N4BP1: variants seen among roughly 807,000 people sequenced by gnomAD.
N4BP1 encodes the protein NEDD4-binding protein 1.
In N4BP1, 21 loss-of-function variants were observed where a neutral mutation model predicts 70.9. The ratio of observed to expected loss-of-function variants is 0.30; its 90% confidence interval spans 0.21 to 0.43. The LOEUF is 0.43. N4BP1 is among the 20% of genes least tolerant of loss of function. The pLI is 1.00. For missense variants in N4BP1, 936 were observed against 1,069.4 expected (o/e 0.88, Z 1.74); for synonymous variants, 387 against 394.6 (o/e 0.98, Z 0.23).
At position 48,543,063 on chromosome 16, in the gene N4BP1, G is replaced by T. The variant is rs758763790; in HGVS notation, c.2532C>A (p.Pro844=). 6.2e-6 allele frequency: 10 copies of T among 1,613,950 alleles called. No individual in the cohort carries two copies. Among genetic ancestry groups the T allele is most frequent in the African/African-American group, 1.3e-5 (1 of 74,958 alleles). ...PALPSLQQNL[P]MPAQRSSAET... is the part of the protein sequence containing the mutation. ...CTGCAGAAGATCTCTGAGCTGGCATGGGCAGGTTCTGCTGGAGACTGGGGA... is the reference window on the plus strand; with the variant it reads ...CTGCAGAAGATCTCTGAGCTGGCATTGGCAGGTTCTGCTGGAGACTGGGGA... Residue 844 remains proline, a synonymous_variant, in exon 7 of 7, where the codon CCC becomes CCA. Transcript: ENST00000262384.
chr16:48,554,765 T>G (rs926569624), intron 2 of N4BP1, among the ~76,000 whole-genome samples: 1 of 152,238 alleles, frequency 6.6e-6, no homozygotes, highest in African/African-American at 2.4e-5. Context: ...CCTGCCATGA[T>G]GGGCATATGT....
chr16:48,581,744 C>A (rs917437817), intron 1 of N4BP1, among the ~76,000 whole-genome samples: 1 of 152,060 alleles, frequency 6.6e-6, no homozygotes, highest in Admixed American at 6.6e-5. Context: ...GAAAAGTATA[C>A]AACCACATGC....
At position 48,609,808 on chromosome 16, in the gene N4BP1, G is replaced by A. The variant is rs115072363; in HGVS notation, c.165C>T (p.Leu55=). Residue 55 remains leucine, a synonymous_variant, in exon 1 of 7, where the codon CTC becomes CTT. Coordinates refer to ENST00000262384, the MANE Select transcript of N4BP1 (RefSeq NM_153029.4). The part of the protein sequence containing the change: ...EPLPARIWLQ[L]CGAQEAVHSA... The stretch of plus-strand genomic sequence containing the variant: ...TGTGCACCGCCTCCTGCGCCCCGCA[G>A]AGCTGCAGCCAGATGCGCGCGGGCA... The A allele has an allele frequency of 1.3e-3, 1,933 of 1,481,656 alleles. 16 individuals are homozygous for A. In the African/African-American group the frequency reaches 0.025, roughly 19 times the overall value. The allele number at this position is 1,481,656 out of a possible 1,614,324, so 91.8% of individuals were successfully genotyped here.
intron 1 of N4BP1, among the ~76,000 whole-genome samples, chr16:48,602,115 C>G (rs1158332191): frequency 6.6e-6 from 1 of 152,052 alleles, no homozygotes; most frequent in Admixed American, 6.6e-5. Context: ...TCCCAACTAA[C>G]CAGGAGTCTG....
At position 48,543,152 on chromosome 16, in the gene N4BP1, T is replaced by G. The variant is rs1314507052; in HGVS notation, c.2443A>C (p.Ile815Leu). The G allele has an allele frequency of 6.2e-7, 1 of 1,604,858 alleles. No homozygotes were observed. The highest frequency in any genetic ancestry group is 8.5e-7 in the Non-Finnish European group (1 of 1,172,756). Residue 815 changes from isoleucine to leucine, a missense_variant, in exon 7 of 7, where the codon ATT (isoleucine) becomes CTT (leucine). Physicochemically the swap from Ile to Leu is conservative, Grantham distance 5. Coordinates refer to ENST00000262384, the MANE Select transcript of N4BP1 (RefSeq NM_153029.4). ...CAGTGGCTTGAAGGGGCTCCCTGAA[T>G]CCGGGTCGGAGGCTGGTGGCTGGTG... is the stretch of plus-strand genomic sequence containing the variant. ...ASTSHQPPTR[I>L]QGAPSSHWLP... is the part of the protein sequence containing the mutation.
intron 1 of N4BP1, among the ~76,000 whole-genome samples, chr16:48,570,168 G>T (rs1231040492): frequency 6.6e-6 from 1 of 151,862 alleles, no homozygotes; most frequent in East Asian, 1.9e-4. Context: ...AAAAAGGGGT[G>T]GGGGTGGGCT....
At position 48,539,167 on chromosome 16, in the gene N4BP1, G is replaced by A. The variant is rs1291063410; in HGVS notation, c.*3737C>T. ...TCAGGAGATGTGAACTTTGTGGTCT[G>A]GTCAAACAGCCACTGCAGATCACTT... On this transcript the variant is annotated 3_prime_UTR_variant, in exon 7 of 7. Transcript: ENST00000262384. 6.6e-6 allele frequency: 1 copy of A among 152,282 alleles called. No homozygotes were observed. The highest frequency in any genetic ancestry group is 2.4e-5 in the African/African-American group (1 of 41,454). The allele number at this position is 152,282 out of a possible 1,614,324, so 9.4% of individuals were successfully genotyped here.
chr16:48,545,576 C>T (rs1386063208), intron 6 of N4BP1, among the ~76,000 whole-genome samples: 2 of 151,452 alleles, frequency 1.3e-5, no homozygotes, highest in Non-Finnish European at 2.9e-5. Flanking sequence ...GAAATTCCAT[C>T]TCAAAAAAAA....
chr16:48,548,006 C>T lies in N4BP1; in HGVS notation c.2225+1G>A, dbSNP rs1440583650. The T allele has an allele frequency of 6.5e-7, 1 of 1,534,794 alleles. No homozygotes were observed. The highest frequency in any genetic ancestry group is 9.0e-7 in the Non-Finnish European group (1 of 1,113,050). ...ACCAAAGACAAAGAAGAAAATATTACCTTTTTGTAATAATTTCTCTCCAAG... is the reference window on the plus strand; with the variant it reads ...ACCAAAGACAAAGAAGAAAATATTATCTTTTTGTAATAATTTCTCTCCAAG... On this transcript the variant is annotated splice_donor_variant, in intron 5 of 6. Coordinates refer to ENST00000262384, the MANE Select transcript of N4BP1 (RefSeq NM_153029.4). LOFTEE classifies it high-confidence loss of function.
intron 1 of N4BP1, among the ~76,000 whole-genome samples, chr16:48,586,708 C>T (rs113233562): frequency 1.6e-4 from 25 of 152,146 alleles, no homozygotes; most frequent in Admixed American, 2.0e-4. Flanking sequence ...TGGGAAATCA[C>T]AAAGATTTGT....
chr16:48,577,316 T>G (rs564282378), intron 1 of N4BP1, among the ~76,000 whole-genome samples: 2 of 144,696 alleles, frequency 1.4e-5, no homozygotes, highest in African/African-American at 5.7e-5. Flanking sequence ...CCAGTTTTTG[T>G]TTTTTTTGTG....
intron 1 of N4BP1, among the ~76,000 whole-genome samples, chr16:48,608,495 G>A (rs914356006): frequency 1.3e-5 from 2 of 152,074 alleles, no homozygotes; most frequent in Non-Finnish European, 2.9e-5. Flanking sequence ...TGCCCACCCC[G>A]CAGACAGGGC....
At chr16:48,546,103 T>C in intron 6 of N4BP1, 44 bp downstream of exon 6, 3 of 1,297,230 alleles carry the variant, frequency 2.3e-6, no homozygotes, top group Non-Finnish European at 3.3e-6. Context: ...CACAAAGAAT[T>C]GAAATAGAAG....
At chr16:48,543,387 G>A in intron 6 of N4BP1, 126 bp from the exon 7 acceptor site, 2 of 745,708 alleles carry the variant, frequency 2.7e-6, no homozygotes, top group Non-Finnish European at 4.1e-6. Flanking sequence ...CCAAAGGCAG[G>A]ATGCAAGACT....
intron 5 of N4BP1, 103 bp downstream of exon 5, chr16:48,547,904 T>G: frequency 1.3e-6 from 1 of 759,126 alleles, no homozygotes; most frequent in South Asian, 1.6e-5. Flanking sequence ...TATTGCCTTC[T>G]GTGGAGCCAA....
chr16:48,567,428 G>T (rs1215637357), intron 1 of N4BP1, among the ~76,000 whole-genome samples: 30 of 152,002 alleles, frequency 2.0e-4, no homozygotes, highest in Non-Finnish European at 1.5e-5. Context: ...AGCGATTCTT[G>T]TACCTCAGCC....
rs143272211 is a variant in N4BP1, at chr16:48,602,430, A to C, written c.198+7345T>G. 2.1e-3 allele frequency among the ~76,000 whole-genome samples: 316 copies of C among 152,324 alleles called. 2 individuals are homozygous for C. The highest frequency in any genetic ancestry group is 7.3e-3 in the African/African-American group (302 of 41,578). Reference sequence around the variant, plus strand: ...GTCCTTGATTTAATTACAATCCTACAATACTGGCTGGGAAATGGACAAGAA... The same window carrying C: ...GTCCTTGATTTAATTACAATCCTACCATACTGGCTGGGAAATGGACAAGAA... On this transcript the variant is annotated intron_variant, in intron 1 of 6. Coordinates refer to ENST00000262384, the MANE Select transcript of N4BP1 (RefSeq NM_153029.4).
chr16:48,609,738 G>C (rs1964649205), intron 1 of N4BP1, 37 bp downstream of exon 1: 6 of 1,311,114 alleles, frequency 4.6e-6, no homozygotes, highest in Non-Finnish European at 4.8e-6. Flanking sequence ...CGGACCGATC[G>C]AGGCCGCGGG....
At chr16:48,571,576 C>T (rs1464481917) in intron 1 of N4BP1, among the ~76,000 whole-genome samples, 2 of 151,372 alleles carry the variant, frequency 1.3e-5, no homozygotes. Flanking sequence ...TGGTTTCAAA[C>T]AGATATAAGA....
Sources: allele counts gnomAD v4.1 joint callset (sites outside exome capture counted in the v4.1 genomes callset), GRCh38; gene constraint gnomAD v4.1.1; transcripts MANE v1.5; gene names NCBI Gene and HGNC (gene_info 2026-07-23, HGNC 2026-07-21).